MTOR: variants seen among roughly 807,000 people sequenced by gnomAD.
MTOR encodes serine/threonine-protein kinase mTOR.
In MTOR, 70 loss-of-function variants were observed where a neutral mutation model predicts 319.8. The observed-to-expected ratio is 0.22, with a 90% confidence interval of 0.18 to 0.27. The LOEUF (loss-of-function observed/expected upper bound fraction) is 0.27. Among genes scored for constraint, MTOR ranks in the 10% least tolerant of loss-of-function variants. The probability of loss-of-function intolerance (pLI) is 1.00; values close to 1 mark genes in which losing one functional copy is unlikely to be tolerated. For missense variants in MTOR, 1,890 were observed against 3,274.4 expected (o/e 0.58, Z 10.32); for synonymous variants, 1,183 against 1,211.4 (o/e 0.98, Z 0.49).
At position 11,109,405 on chromosome 1, in the gene MTOR, T is replaced by C. The variant is rs1369182541; in HGVS notation, c.7448-35A>G. On this transcript the variant is annotated intron_variant, in intron 55 of 57. Coordinates refer to ENST00000361445, the MANE Select transcript of MTOR (RefSeq NM_004958.4). This position sits in a 1 kb window ranked among gnomAD's most constrained non-coding sequence, Gnocchi z 4.0. ...ACAAAAGTAGAAATAACTGTAAGAA[T>C]GGGAGCAATACAACAGGTTCAATGG... 22 of 1,596,696 alleles carry C rather than the reference T, an allele frequency of 1.4e-5. No homozygotes were observed. The highest frequency in any genetic ancestry group is 1.8e-5 in the Non-Finnish European group (21 of 1,164,944).
chr1:11,204,768 T>C (rs1211514669), intron 25 of MTOR, 65 bp from the exon 26 acceptor site: 14 of 1,525,034 alleles, frequency 9.2e-6, no homozygotes, highest in Admixed American at 6.0e-5. Context: ...AAAGTCCTCA[T>C]CTATTTAATG....
rs1186071922 is a variant in MTOR, at chr1:11,241,700, T to C, written c.1413-19A>G. 1.2e-6 allele frequency: 2 copies of C among 1,602,108 alleles called. No individual in the cohort carries two copies. Among genetic ancestry groups the C allele is most frequent in the Non-Finnish European group, 1.7e-6 (2 of 1,171,788 alleles). On this transcript the variant is annotated intron_variant, in intron 9 of 57. Coordinates refer to ENST00000361445, the MANE Select transcript of MTOR (RefSeq NM_004958.4). ...CTGCCTCCTGTAGAGAAATGGAGAGTGGCTAGTTGAGACATAATGACATTC... is the reference window on the plus strand; with the variant it reads ...CTGCCTCCTGTAGAGAAATGGAGAGCGGCTAGTTGAGACATAATGACATTC...
At position 11,129,661 on chromosome 1, in the gene MTOR, G is replaced by C; in HGVS notation, c.5714+77C>G. The C allele has an allele frequency of 7.6e-7, 1 of 1,311,570 alleles. No homozygotes were observed. Among genetic ancestry groups the C allele is most frequent in the Non-Finnish European group, 1.1e-6 (1 of 920,018 alleles). The allele number at this position is 1,311,570 out of a possible 1,614,324, so 81.2% of individuals were successfully genotyped here. On this transcript the variant is annotated intron_variant, in intron 40 of 57. Coordinates refer to ENST00000361445, the MANE Select transcript of MTOR (RefSeq NM_004958.4). The surrounding 1 kb of genome is among the most constrained non-coding windows in gnomAD (Gnocchi z 4.7). Reference sequence around the variant, plus strand: ...TCCTGATCAGGGTCAGGAAGGGAAAGAGGACTTTTACGTGTGACTTCTAGG... The same window carrying C: ...TCCTGATCAGGGTCAGGAAGGGAAACAGGACTTTTACGTGTGACTTCTAGG...
At chr1:11,180,785 T>G (rs1185873793) in intron 28 of MTOR, among the ~76,000 whole-genome samples, 1 of 151,900 alleles carries the variant, frequency 6.6e-6, no homozygotes, top group Non-Finnish European at 1.5e-5. Flanking sequence ...AGGCAGGTTT[T>G]TTTTTTTTTT....
In MTOR at chr1:11,241,556, A is replaced by T. The variant is rs754109878; in HGVS notation, c.1538T>A (p.Leu513Gln). The change falls in exon 10 of 58, where the codon CTA becomes CAA. Residue 513 changes from leucine (L) to glutamine (Q), a missense_variant. Around this residue, in one of 15 missense-constraint regions of MTOR, gnomAD observed 418 missense variants for 543.1 expected, o/e 0.77. Coordinates refer to ENST00000361445, the MANE Select transcript of MTOR (RefSeq NM_004958.4). Reference protein sequence around the residue: ...ELLEPMLAVGLSPALTAVLYD... With the variant: ...ELLEPMLAVGQSPALTAVLYD... Reference sequence around the variant, plus strand: ...AGCTCAGGTTTCTGACACCCACCTTAGTCCCACTGCCAGCATGGGCTCCAG... The same window carrying T: ...AGCTCAGGTTTCTGACACCCACCTTTGTCCCACTGCCAGCATGGGCTCCAG... 3.1e-6 allele frequency: 5 copies of T among 1,611,772 alleles called. No homozygotes were observed. The highest frequency in any genetic ancestry group is 4.2e-6 in the Non-Finnish European group (5 of 1,178,620).
At chr1:11,197,351 G>A (rs1040315736) in intron 28 of MTOR, among the ~76,000 whole-genome samples, 1 of 151,994 alleles carries the variant, frequency 6.6e-6, no homozygotes, top group Non-Finnish European at 1.5e-5. Flanking sequence ...CACCACAACC[G>A]GGCTTAGGAA....
In MTOR at chr1:11,128,816, G is replaced by T. The variant is rs762772948; in HGVS notation, c.5811+39C>A. On this transcript the variant is annotated intron_variant, in intron 41 of 57. Coordinates refer to ENST00000361445, the MANE Select transcript of MTOR (RefSeq NM_004958.4). The surrounding 1 kb of genome is among the most constrained non-coding windows in gnomAD (Gnocchi z 5.3). ...TGTAAGAGGAGACACACAGAAGAGA[G>T]ACTTGGAGCCACCTTCACCTGTAAC... The T allele has an allele frequency of 6.5e-7, 1 of 1,529,678 alleles. No individual in the cohort carries two copies. The allele number at this position is 1,529,678 out of a possible 1,614,324, so 94.8% of individuals were successfully genotyped here.
At chr1:11,228,636 GA>G (rs768775332) in intron 19 of MTOR, 31 bp downstream of exon 19, 1 of 1,607,130 alleles carries the variant, frequency 6.2e-7, no homozygotes, top group Non-Finnish European at 8.5e-7. Flanking sequence ...GTGCAGAGGA[GA>G]AAGAGAAGGA....
chr1:11,144,487 G>C (rs1177581073), intron 34 of MTOR, 161 bp downstream of exon 34: 1 of 562,750 alleles, frequency 1.8e-6, no homozygotes, highest in Non-Finnish European at 3.2e-6. Flanking sequence ...TTTAGGTGAG[G>C]AGCCTTTGAG....
intron 29 of MTOR, among the ~76,000 whole-genome samples, chr1:11,162,305 C>A (rs113029603): frequency 0.03 from 4,535 of 152,260 alleles, 169 homozygotes; most frequent in Admixed American, 0.071. Flanking sequence ...CTACGTCTGA[C>A]TGGTGTACCT....
At position 11,212,402 on chromosome 1, in the gene MTOR, G is replaced by A. The variant is rs774918589; in HGVS notation, c.3471C>T (p.His1157=). 1.2e-6 allele frequency: 2 copies of A among 1,614,170 alleles called. No individual in the cohort carries two copies. The highest frequency in any genetic ancestry group is 1.7e-6 in the Non-Finnish European group (2 of 1,180,020). Residue 1157 remains histidine, a synonymous_variant, in exon 23 of 58, where the codon CAC becomes CAT. Transcript: ENST00000361445. This position sits in a 1 kb window ranked among gnomAD's most constrained non-coding sequence, Gnocchi z 4.1. ...TCTGGTCCAGTGTTCGAACAATAGGGTGAATGATCCGGGAGGCATAGTCAG... is the reference window on the plus strand; with the variant it reads ...TCTGGTCCAGTGTTCGAACAATAGGATGAATGATCCGGGAGGCATAGTCAG... ...DFTDYASRII[H]PIVRTLDQSP... is the part of the protein sequence containing the mutation.
rs920866868 is a variant in MTOR, at chr1:11,133,022, C to T, written c.5364+58G>A. The T allele has an allele frequency of 1.0e-5, 15 of 1,446,360 alleles. No individual in the cohort carries two copies. In the Admixed American group the frequency reaches 1.2e-4, roughly 11 times the overall value. The allele number at this position is 1,446,360 out of a possible 1,614,324, so 89.6% of individuals were successfully genotyped here. Reference sequence around the variant, plus strand: ...AAGCTCAGCTGTAACCACGAGCACACAGGAGGACACGAGCCAGCCAGGGTG... The same window carrying T: ...AAGCTCAGCTGTAACCACGAGCACATAGGAGGACACGAGCCAGCCAGGGTG... On this transcript the variant is annotated intron_variant, in intron 38 of 57. Coordinates refer to ENST00000361445, the MANE Select transcript of MTOR (RefSeq NM_004958.4). The surrounding 1 kb of genome is among the most constrained non-coding windows in gnomAD (Gnocchi z 4.0).
chr1:11,108,314 A>C, intron 56 of MTOR, 28 bp from the exon 57 acceptor site: 2 of 1,560,050 alleles, frequency 1.3e-6, no homozygotes, highest in Non-Finnish European at 1.8e-6. Flanking sequence ...AAAACATTTC[A>C]CTCTCTTCCT....
At chr1:11,243,375 T>C (rs1648348531) in intron 8 of MTOR, 75 bp from the exon 9 acceptor site, 2 of 1,371,614 alleles carry the variant, frequency 1.5e-6, no homozygotes, top group Non-Finnish European at 2.0e-6. Context: ...AAAGGTCCTA[T>C]AAAGCAATTC....
intron 28 of MTOR, among the ~76,000 whole-genome samples, chr1:11,198,659 T>G (rs1486890832): frequency 6.6e-6 from 1 of 152,254 alleles, no homozygotes; most frequent in East Asian, 1.9e-4. Flanking sequence ...TAATGTTTCA[T>G]GCTGCTTGTA....
At chr1:11,166,905 C>T (rs947045669) in intron 29 of MTOR, among the ~76,000 whole-genome samples, 2 of 152,142 alleles carry the variant, frequency 1.3e-5, no homozygotes, top group African/African-American at 2.4e-5. Context: ...CCATGGAATA[C>T]TATGCAGCCA....
intron 19 of MTOR, among the ~76,000 whole-genome samples, chr1:11,223,659 G>C (rs1469808436): frequency 6.6e-6 from 1 of 151,970 alleles, no homozygotes; most frequent in Non-Finnish European, 1.5e-5. Flanking sequence ...AAAAATAAAG[G>C]CTCAAACAAA....
intron 29 of MTOR, among the ~76,000 whole-genome samples, chr1:11,164,867 T>C (rs888367150): frequency 6.6e-6 from 1 of 152,142 alleles, no homozygotes; most frequent in African/African-American, 2.4e-5. Flanking sequence ...ACTGGCAAAC[T>C]GAATCCAGCA....
intron 31 of MTOR, among the ~76,000 whole-genome samples, chr1:11,147,857 A>T (rs760268523): frequency 6.6e-6 from 1 of 152,192 alleles, no homozygotes; most frequent in Non-Finnish European, 1.5e-5. Context: ...GCTGGGGCCC[A>T]GTGTCAGAAA....
Sources: gnomAD v4.1 joint callset for allele counts (sites outside exome capture counted in the v4.1 genomes callset) on GRCh38, gnomAD v4.1.1 for gene constraint, gnomAD v4.1.1 regional missense constraint, Gnocchi (gnomAD v3.1) non-coding constraint, MANE v1.5 for transcripts, NCBI Gene and HGNC (gene_info 2026-07-23, HGNC 2026-07-21) for gene names.